ABHD12B: variants seen among roughly 807,000 people sequenced by gnomAD.
The protein encoded by ABHD12B is protein ABHD12B.
Under a neutral mutation model 50.4 loss-of-function variants are expected in ABHD12B, and 42 were observed. The observed-to-expected ratio is 0.83, with a 90% CI of 0.65 to 1.08. ABHD12B has a LOEUF of 1.08. Among genes scored for constraint, ABHD12B ranks in the 50% least tolerant of loss-of-function variants. ABHD12B has a pLI of 0.00. For missense variants in ABHD12B, 479 were observed against 447.7 expected (o/e 1.07, Z -0.63); for synonymous variants, 167 against 160.3 (o/e 1.04, Z -0.32).
intron 1 of ABHD12B, among the ~76,000 whole-genome samples, chr14:50,873,692 T>C (rs115938952): frequency 0.012 from 1,860 of 152,340 alleles, 42 homozygotes; most frequent in African/African-American, 0.043. Flanking sequence ...CCAGATGTGG[T>C]GATTCTGGGA....
At chr14:50,872,408 G>A in intron 1 of ABHD12B, 130 bp downstream of exon 1, 1 of 596,664 alleles carries the variant, frequency 1.7e-6, no homozygotes, top group Non-Finnish European at 2.4e-6. Flanking sequence ...CCAGCATTGT[G>A]GCTTCCGGGG....
At chr14:50,901,124 G>A (rs932988250) in intron 9 of ABHD12B, among the ~76,000 whole-genome samples, 3 of 152,142 alleles carry the variant, frequency 2.0e-5, no homozygotes, top group Non-Finnish European at 4.4e-5. Context: ...TGAGAAAGGT[G>A]CAATATTGCT....
chr14:50,884,716 T>C (rs879396256), intron 5 of ABHD12B, among the ~76,000 whole-genome samples: 105,457 of 125,080 alleles, frequency 0.84, 44,089 homozygotes, highest in South Asian at 0.93. Flanking sequence ...TTTTTTTTTT[T>C]TTTTTTTTTT....
chr14:50,884,086 G>A (rs1307255240), intron 5 of ABHD12B, among the ~76,000 whole-genome samples: 1 of 152,154 alleles, frequency 6.6e-6, no homozygotes, highest in Non-Finnish European at 1.5e-5. Flanking sequence ...GTATTTATAA[G>A]CAATTGTTTA....
At chr14:50,899,188 G>A (rs1484738658) in intron 9 of ABHD12B, among the ~76,000 whole-genome samples, 8 of 152,010 alleles carry the variant, frequency 5.3e-5, no homozygotes, top group South Asian at 2.1e-4. Context: ...ATGACACTCC[G>A]TCTCAAAAAA....
chr14:50,887,862 C>A (rs1466332992), intron 8 of ABHD12B, among the ~76,000 whole-genome samples: 3 of 152,224 alleles, frequency 2.0e-5, no homozygotes, highest in East Asian at 3.9e-4. Flanking sequence ...TTTGTCAGAT[C>A]CTGAACTCTA....
At chr14:50,894,383 ACCCC>A (rs971281905) in intron 9 of ABHD12B, among the ~76,000 whole-genome samples, 1 of 147,076 alleles carries the variant, frequency 6.8e-6, no homozygotes, top group African/African-American at 2.5e-5. Flanking sequence ...GAGGGCAAGA[ACCCC>A]CCCACCCCTT....
intron 3 of ABHD12B, among the ~76,000 whole-genome samples, chr14:50,879,721 C>T (rs918708756): frequency 6.6e-6 from 1 of 152,116 alleles, no homozygotes; most frequent in South Asian, 2.1e-4. Flanking sequence ...TGCTTTTGCC[C>T]CACTGGTCCT....
In ABHD12B at chr14:50,892,568, T is replaced by G. The variant is rs995315924; in HGVS notation, c.780+3665T>G. The G allele has an allele frequency of 1.9e-5, 19 of 985,268 alleles. No homozygotes were observed. In the Admixed American group the frequency reaches 9.8e-4, roughly 51 times the overall value. 61.0% of individuals were successfully genotyped at this position (985,268 alleles called of 1,614,324 possible). On this transcript the variant is annotated intron_variant, in intron 9 of 12. Coordinates refer to ENST00000337334, the MANE Select transcript of ABHD12B (RefSeq NM_001206673.2). ...AAGCAGCCAACACTCACAGCAGAAG[T>G]TAATTAATTTTGTCAGTCTTTTCAA...
At chr14:50,901,986 T>C (rs2050265374) in intron 10 of ABHD12B, 75 bp downstream of exon 10, 1 of 963,726 alleles carries the variant, frequency 1.0e-6, no homozygotes, top group Non-Finnish European at 1.5e-6. Context: ...TGTGACTTAC[T>C]GGATGGTGAC....
chr14:50,879,505 T>G (rs922571002), intron 3 of ABHD12B, among the ~76,000 whole-genome samples: 1 of 152,238 alleles, frequency 6.6e-6, no homozygotes, highest in East Asian at 1.9e-4. Flanking sequence ...CAGTCTATTG[T>G]CTTACAATGC....
intron 3 of ABHD12B, among the ~76,000 whole-genome samples, chr14:50,879,723 A>T (rs766931333): frequency 1.3e-5 from 2 of 152,184 alleles, no homozygotes; most frequent in Non-Finnish European, 2.9e-5. Context: ...CTTTTGCCCC[A>T]CTGGTCCTTG....
At position 50,881,647 on chromosome 14, in the gene ABHD12B, AAGC is replaced by A. The variant is rs747404778; in HGVS notation, c.486+23_486+25del. The A allele has an allele frequency of 1.9e-5, 30 of 1,611,652 alleles. No homozygotes were observed. In the Admixed American group the frequency reaches 5.0e-4, roughly 27 times the overall value. Reference sequence around the variant, plus strand: ...TAAAGGTATGTCTGAAGAGGCCTCAAAGCACCCATTTCATAAGTCTGTTTGATA... The same window carrying A: ...TAAAGGTATGTCTGAAGAGGCCTCAAACCCATTTCATAAGTCTGTTTGATA... On this transcript the variant is annotated intron_variant, in intron 5 of 12. Transcript: ENST00000337334.
Position 50,901,907 on chromosome 14 carries a change from G to T in ABHD12B, c.859G>T (p.Glu287Ter), listed in dbSNP as rs1216946836. 6.3e-7 allele frequency: 1 copy of T among 1,584,984 alleles called. No homozygotes were observed. Among genetic ancestry groups the T allele is most frequent in the East Asian group, 2.3e-5 (1 of 44,170 alleles). The change falls in exon 10 of 13, where the codon GAA becomes TAA. Residue 287 changes from glutamate (E) to a stop codon, truncating the protein, a stop_gained. Coordinates refer to ENST00000337334, the MANE Select transcript of ABHD12B (RefSeq NM_001206673.2). LOFTEE classifies it high-confidence loss of function. ...AGACAAAATAATCTTTCCTAATGATGAAAAGTAAGTTAATGATGAAAAGAC... is the reference window on the plus strand; with the variant it reads ...AGACAAAATAATCTTTCCTAATGATTAAAAGTAAGTTAATGATGAAAAGAC... ...RKDKIIFPND[E>*]NVKFLSSPLL...
At chr14:50,882,383 T>TTTTTTTTTTTTTTTG (rs1427134560) in intron 5 of ABHD12B, among the ~76,000 whole-genome samples, 3 of 134,554 alleles carry the variant, frequency 2.2e-5, no homozygotes, top group African/African-American at 8.7e-5. Flanking sequence ...CTTTTTTTTT[T>TTTTTTTTTTTTTTTG]TTTTTTTTTT....
Position 50,904,571 on chromosome 14 carries a change from G to C in ABHD12B, c.*205G>C. Reference sequence around the variant, plus strand: ...TATTTAGCTTATCATAATCTACTTTGTAAAACATGCTGAAACCTCACTGTG... The same window carrying C: ...TATTTAGCTTATCATAATCTACTTTCTAAAACATGCTGAAACCTCACTGTG... On this transcript the variant is annotated 3_prime_UTR_variant, in exon 13 of 13. Transcript: ENST00000337334. 1 of 653,908 alleles carries C rather than the reference G, an allele frequency of 1.5e-6. No individual in the cohort carries two copies. Among genetic ancestry groups the C allele is most frequent in the Non-Finnish European group, 2.6e-6 (1 of 386,248 alleles). The allele number at this position is 653,908 out of a possible 1,614,324, so 40.5% of individuals were successfully genotyped here.
At chr14:50,874,117 G>A (rs2049825827) in intron 1 of ABHD12B, among the ~76,000 whole-genome samples, 1 of 152,178 alleles carries the variant, frequency 6.6e-6, no homozygotes, top group Non-Finnish European at 1.5e-5. Context: ...CCTGATCATG[G>A]CACTGGAACT....
At chr14:50,896,072 A>AT (rs1279067089) in intron 9 of ABHD12B, among the ~76,000 whole-genome samples, 2 of 151,996 alleles carry the variant, frequency 1.3e-5, no homozygotes, top group Non-Finnish European at 2.9e-5. Flanking sequence ...ACCCACAAGT[A>AT]TAAGATACCT....
rs780266483 is a variant in ABHD12B, at chr14:50,885,643, G to A, written c.516G>A (p.Leu172=). 1 of 1,614,148 alleles carries A rather than the reference G, an allele frequency of 6.2e-7. No homozygotes were observed. The highest frequency in any genetic ancestry group is 8.5e-7 in the Non-Finnish European group (1 of 1,180,030). The part of the protein sequence containing the change: ...KVLSDGGFHV[L]SVDYRGFGDS... ...TGAGTGATGGTGGCTTTCATGTCTT[G>A]TCTGTTGACTACAGAGGTATGTGTT... The change falls in exon 6 of 13, where the codon TTG becomes TTA. Residue 172 remains leucine (L), a synonymous_variant. Coordinates refer to ENST00000337334, the MANE Select transcript of ABHD12B (RefSeq NM_001206673.2).
Sources: allele counts gnomAD v4.1 joint callset (sites outside exome capture counted in the v4.1 genomes callset), GRCh38; gene constraint gnomAD v4.1.1; transcripts MANE v1.5; gene names NCBI Gene and HGNC (gene_info 2026-07-23, HGNC 2026-07-21).